ST7L: variants seen among roughly 807,000 people sequenced by gnomAD.
The protein encoded by ST7L is suppressor of tumorigenicity 7 protein-like.
ST7L carries 57 observed loss-of-function variants against 72.5 expected under a neutral mutation model. The ratio of observed to expected loss-of-function variants is 0.79; its 90% CI spans 0.64 to 0.98. ST7L has a LOEUF of 0.98. Among genes scored for constraint, ST7L ranks in the 50% least tolerant of loss-of-function variants. The pLI is 0.00. For synonymous variants in ST7L, 221 were observed against 240.9 expected, an observed-to-expected ratio of 0.92 and a Z score of 0.77; for missense variants, 576 against 672.2, an observed-to-expected ratio of 0.86 and a Z score of 1.58.
At position 112,619,018 on chromosome 1, in the gene ST7L, T is replaced by G. The variant is rs760382205; in HGVS notation, c.96A>C (p.Arg32=). 6.2e-7 allele frequency: 1 copy of G among 1,613,608 alleles called. No homozygotes were observed. The highest frequency in any genetic ancestry group is 8.5e-7 in the Non-Finnish European group (1 of 1,179,848). ...GLNPTLGWRE[R]LRAGLAGTGA... is the part of the protein sequence containing the mutation. ...CAGTCCCCGCCAGCCCGGCCCGCAGTCGCTCCCTCCAGCCTAGCGTCGGGT... is the reference window on the plus strand; with the variant it reads ...CAGTCCCCGCCAGCCCGGCCCGCAGGCGCTCCCTCCAGCCTAGCGTCGGGT... The change falls in exon 1 of 15, where the codon CGA becomes CGC. Residue 32 remains arginine (R), a synonymous_variant. Transcript: ENST00000358039.
intron 6 of ST7L, among the ~76,000 whole-genome samples, chr1:112,588,443 G>A (rs2101926522): frequency 6.6e-6 from 1 of 152,236 alleles, no homozygotes; most frequent in East Asian, 1.9e-4. Context: ...ACGTTCTTGA[G>A]GAAGTTTCCT....
rs747497022 is a variant in ST7L, at chr1:112,584,019, T to A, written c.809A>T (p.Gln270Leu). 21 of 1,614,220 alleles carry A rather than the reference T, an allele frequency of 1.3e-5. 1 individual carries two copies. The Middle Eastern group carries it at 2.5e-3, about 190-fold the overall frequency. Residue 270 changes from glutamine to leucine, a missense_variant, in exon 7 of 15, where the codon CAG becomes CTG. Physicochemically the swap from Gln to Leu is moderately radical, Grantham distance 113. Transcript: ENST00000358039. ...ALKAGETIYR[Q>L]SQQCQHQSPQ... The stretch of plus-strand genomic sequence containing the variant: ...ACTTTGGTGCTGGCACTGCTGTGAC[T>A]GCCTATAAATTGTTTCTCCTGCCTT...
chr1:112,605,184 G>C (rs916665870), intron 3 of ST7L, among the ~76,000 whole-genome samples: 1 of 151,184 alleles, frequency 6.6e-6, no homozygotes, highest in Non-Finnish European at 1.5e-5. Flanking sequence ...GAGATGAGAA[G>C]TTCAAGACCA....
intron 11 of ST7L, among the ~76,000 whole-genome samples, chr1:112,566,294 C>CTTTTTTTTTTTTTTTTTTTTTTTTTTTT (rs33915951): frequency 9.2e-6 from 1 of 108,976 alleles, no homozygotes; most frequent in Non-Finnish European, 1.7e-5. Flanking sequence ...TTTTCTTCTT[C>CTTTTTTTTTTTTTTTTTTTTTTTTTTTT]TTCTTTTTTT....
intron 1 of ST7L, chr1:112,617,884 C>T: frequency 1.4e-6 from 1 of 700,956 alleles, no homozygotes; most frequent in Non-Finnish European, 2.1e-6. Context: ...TTAAGCACTT[C>T]ATTCACCTGT....
chr1:112,521,658 ACT>A (rs1177699405), downstream of ST7L: 2 of 151,736 alleles, frequency 1.3e-5, no homozygotes, highest in African/African-American at 4.8e-5. Context: ...TTATTTAGTG[ACT>A]CTCCAAGTCC....
chr1:112,541,733 T>A lies in ST7L; in HGVS notation c.1629+218A>T, dbSNP rs1656133687. The A allele has an allele frequency of 1.3e-5, 15 of 1,175,674 alleles. No individual in the cohort carries two copies. In the South Asian group the frequency reaches 4.1e-4, roughly 32 times the overall value. 72.8% of individuals were successfully genotyped at this position (1,175,674 alleles called of 1,614,324 possible). ...ACTTTATAATGTTATATTGTTACAA[T>A]CTTATATTGTATTCTTTAAACTTTT... On this transcript the variant is annotated intron_variant, in intron 14 of 14. Coordinates refer to ENST00000358039, the MANE Select transcript of ST7L (RefSeq NM_017744.5).
intron 11 of ST7L, among the ~76,000 whole-genome samples, chr1:112,573,740 T>G (rs1000537559): frequency 2.6e-5 from 4 of 151,418 alleles, no homozygotes; most frequent in African/African-American, 9.7e-5. Flanking sequence ...CATTTATAAA[T>G]CCAGGGCCAG....
chr1:112,595,434 G>GT (rs199755047), intron 5 of ST7L, among the ~76,000 whole-genome samples: 2,856 of 142,150 alleles, frequency 0.02, 100 homozygotes, highest in African/African-American at 0.069. Context: ...TTGCTTGGTT[G>GT]TTTTTTTAGA....
At chr1:112,567,612 A>G (rs1661253982) in intron 11 of ST7L, among the ~76,000 whole-genome samples, 1 of 152,152 alleles carries the variant, frequency 6.6e-6, no homozygotes, top group South Asian at 2.1e-4. Flanking sequence ...GACACATTTC[A>G]AATTAATTTT....
downstream of ST7L, chr1:112,520,476 C>T (rs145437043): frequency 1.6e-5 from 26 of 1,614,040 alleles, no homozygotes; most frequent in Non-Finnish European, 2.1e-5. Context: ...CTTGCAAAGC[C>T]CCCAAGAAGG....
At chr1:112,521,485 G>A (rs1280024430), downstream of ST7L, 1 of 152,228 alleles carries the variant, frequency 6.6e-6, no homozygotes, top group Non-Finnish European at 1.5e-5. Flanking sequence ...GTATATATTA[G>A]GCAGGTAGGG....
chr1:112,581,409 T>C (rs1488843243), intron 9 of ST7L, among the ~76,000 whole-genome samples: 1 of 151,526 alleles, frequency 6.6e-6, no homozygotes, highest in Non-Finnish European at 1.5e-5. Flanking sequence ...TTTTTTTTTT[T>C]TTTTTTTGAG....
At chr1:112,602,099 AAAAAG>A (rs1278863338) in intron 3 of ST7L, among the ~76,000 whole-genome samples, 4 of 150,424 alleles carry the variant, frequency 2.7e-5, no homozygotes, top group Admixed American at 1.3e-4. Context: ...AAAAAAAAAA[AAAAAG>A]AAAAGAAAAG....
intron 3 of ST7L, among the ~76,000 whole-genome samples, chr1:112,608,753 G>A (rs183411499): frequency 2.6e-4 from 39 of 152,264 alleles, no homozygotes; most frequent in Admixed American, 1.4e-3. Context: ...GAAAGGAAAT[G>A]ACCATTATTC....
chr1:112,591,278 A>C (rs1306934448), intron 6 of ST7L, among the ~76,000 whole-genome samples: 4 of 152,280 alleles, frequency 2.6e-5, no homozygotes, highest in African/African-American at 9.6e-5. Context: ...ACCATTCTCC[A>C]TGAGCATTCT....
At chr1:112,608,956 A>G (rs1668662957) in intron 3 of ST7L, among the ~76,000 whole-genome samples, 1 of 152,158 alleles carries the variant, frequency 6.6e-6, no homozygotes, top group Admixed American at 6.5e-5. Flanking sequence ...AGGCATTTGG[A>G]ATATTATGGA....
chr1:112,558,064 CTTACT>C (rs1659486840), intron 11 of ST7L, among the ~76,000 whole-genome samples: 1 of 152,202 alleles, frequency 6.6e-6, no homozygotes, highest in African/African-American at 2.4e-5. Flanking sequence ...CCTTTAAAAA[CTTACT>C]TAGTTAGCTA....
At chr1:112,542,980 T>C (rs1656412807) in intron 13 of ST7L, among the ~76,000 whole-genome samples, 1 of 151,966 alleles carries the variant, frequency 6.6e-6, no homozygotes, top group South Asian at 2.1e-4. Flanking sequence ...TTTGTATTTT[T>C]AGTAGAGAGG....
Sources: allele counts gnomAD v4.1 joint callset (sites outside exome capture counted in the v4.1 genomes callset), GRCh38; gene constraint gnomAD v4.1.1; transcripts MANE v1.5; gene names NCBI Gene and HGNC (gene_info 2026-07-23, HGNC 2026-07-21).